The following RORA variants were observed in gnomAD, a reference collection of about 807,000 sequenced individuals.
The protein encoded by RORA is RAR related orphan receptor A.
In RORA, 7 loss-of-function variants were observed where a neutral mutation model predicts 69.5. The ratio of observed to expected loss-of-function variants is 0.10; its 90% CI spans 0.06 to 0.19. The LOEUF (loss-of-function observed/expected upper bound fraction) is 0.19. Among genes scored for constraint, RORA ranks in the 10% least tolerant of loss-of-function variants. The pLI, the probability that RORA is intolerant of heterozygous loss-of-function variation, is 1.00. For missense variants in RORA, 457 were observed against 663.0 expected, an observed-to-expected ratio of 0.69 and a Z score of 3.41; for synonymous variants, 261 against 240.8, an observed-to-expected ratio of 1.08 and a Z score of -0.78.
chr15:60,611,937 C>T (rs2069102472), intron 2 of RORA, among the ~76,000 whole-genome samples: 2 of 152,150 alleles, frequency 1.3e-5, no homozygotes, highest in Admixed American at 6.5e-5. Context: ...CCTGGCATTC[C>T]GTTTTTCAAC....
At chr15:61,027,408 T>C (rs1734981685) in intron 1 of RORA, among the ~76,000 whole-genome samples, 2 of 152,222 alleles carry the variant, frequency 1.3e-5, no homozygotes, top group African/African-American at 4.8e-5. Flanking sequence ...GGTGGCTTAT[T>C]CTGTTTTTAG....
At chr15:60,755,134 C>CT (rs2071780131) in intron 1 of RORA, among the ~76,000 whole-genome samples, 1 of 120,722 alleles carries the variant, frequency 8.3e-6, no homozygotes, top group Non-Finnish European at 1.7e-5. Flanking sequence ...TCCCTCCCCC[C>CT]TCCCCCCACC....
intron 2 of RORA, among the ~76,000 whole-genome samples, chr15:60,572,452 A>C (rs553894526): frequency 9.8e-4 from 150 of 152,334 alleles, no homozygotes; most frequent in African/African-American, 3.4e-3. Context: ...AGGGTTTAAT[A>C]AATGCATGGC....
chr15:60,828,169 C>T (rs1455033521), intron 1 of RORA, among the ~76,000 whole-genome samples: 1 of 152,056 alleles, frequency 6.6e-6, no homozygotes, highest in Non-Finnish European at 1.5e-5. Flanking sequence ...GAGGGAGTGG[C>T]GGTAGCTGTG....
intron 1 of RORA, among the ~76,000 whole-genome samples, chr15:60,946,635 C>T (rs546820324): frequency 6.6e-6 from 1 of 152,348 alleles, no homozygotes; most frequent in East Asian, 1.9e-4. Context: ...CACCTCCCAG[C>T]CGCCTGCCTT....
chr15:60,499,162 A>G (rs1289245033), intron 10 of RORA, among the ~76,000 whole-genome samples: 2 of 152,222 alleles, frequency 1.3e-5, no homozygotes, highest in Non-Finnish European at 2.9e-5. Context: ...AGTGAATTTA[A>G]TGGAAGTAGA....
chr15:60,916,730 T>TCC (rs1566908397), intron 1 of RORA, among the ~76,000 whole-genome samples: 2 of 152,016 alleles, frequency 1.3e-5, no homozygotes, highest in Non-Finnish European at 2.9e-5. Context: ...TTAAAGCCCC[T>TCC]CTTGACCCCC....
intron 1 of RORA, among the ~76,000 whole-genome samples, chr15:61,031,547 GTAGT>G (rs1896169754): frequency 6.6e-6 from 1 of 152,148 alleles, no homozygotes; most frequent in South Asian, 2.1e-4. Context: ...CATGTATGAA[GTAGT>G]TAAAGTTCTT....
chr15:61,216,496 ATT>A (rs3835089), intron 1 of RORA, among the ~76,000 whole-genome samples: 131,334 of 151,912 alleles, frequency 0.86, 57,838 homozygotes, highest in Non-Finnish European at 0.96. Context: ...CTCCGATGTG[ATT>A]TTTTTTTTTG....
chr15:60,848,935 T>C (rs2073295909), intron 1 of RORA: 1 of 152,192 alleles, frequency 6.6e-6, no homozygotes, highest in Non-Finnish European at 1.5e-5. Context: ...TCACAACCAA[T>C]TTTAGACTTG....
intron 1 of RORA, among the ~76,000 whole-genome samples, chr15:61,172,543 G>A (rs137892731): frequency 0.027 from 4,141 of 152,220 alleles, 70 homozygotes; most frequent in Middle Eastern, 0.061. Context: ...TCAAAACAGA[G>A]TTCAAGGGGG....
intron 1 of RORA, among the ~76,000 whole-genome samples, chr15:60,939,098 C>A (rs182517166): frequency 6.6e-6 from 1 of 152,240 alleles, no homozygotes; most frequent in Admixed American, 6.5e-5. Flanking sequence ...CCTCTTCCCT[C>A]GGCATCGCAG....
In RORA at chr15:61,131,051, C is replaced by T. The variant is rs1213947823; in HGVS notation, c.166+98002G>A. ...CTTCAGTACACGTGTACAGTTCAGA[C>T]GATGCACCTACTACTCAGCCCTCTG... On this transcript the variant is annotated intron_variant, in intron 1 of 10. Transcript: ENST00000335670. This position sits in a 1 kb window ranked among gnomAD's most constrained non-coding sequence, Gnocchi z 4.2. Among the ~76,000 whole-genome samples, 6 of 152,120 alleles carry T rather than the reference C, an allele frequency of 3.9e-5. No homozygotes were observed. The highest frequency in any genetic ancestry group is 2.6e-4 in the Admixed American group (4 of 15,270).
intron 1 of RORA, among the ~76,000 whole-genome samples, chr15:60,747,729 T>C (rs2071668387): frequency 1.3e-5 from 2 of 152,128 alleles, no homozygotes; most frequent in African/African-American, 2.4e-5. Flanking sequence ...GAGCAGAATA[T>C]GCAAACAGGC....
chr15:60,643,674 CCCT>C (rs1247431959), intron 2 of RORA, among the ~76,000 whole-genome samples: 1 of 152,164 alleles, frequency 6.6e-6, no homozygotes, highest in African/African-American at 2.4e-5. Flanking sequence ...CTAGCCTGAC[CCCT>C]CTTTTCTCCT....
chr15:60,676,604 C>T (rs148400909), intron 2 of RORA, among the ~76,000 whole-genome samples: 681 of 152,298 alleles, frequency 4.5e-3, no homozygotes, highest in Non-Finnish European at 5.1e-3. Flanking sequence ...TGCTGATTTT[C>T]ACAGTTAGAA....
chr15:61,128,838 G>A lies in RORA; in HGVS notation c.166+100215C>T, dbSNP rs913047400. On this transcript the variant is annotated intron_variant, in intron 1 of 10. Coordinates refer to ENST00000335670, the MANE Select transcript of RORA (RefSeq NM_134261.3). The surrounding 1 kb of genome is among the most constrained non-coding windows in gnomAD (Gnocchi z 4.5). ...TGCTAAGCAAAGTCAATCAGCACAC[G>A]ATGGCCCCAGGAATGAGAGCAACCA... 7.2e-5 allele frequency among the ~76,000 whole-genome samples: 11 copies of A among 152,156 alleles called. No homozygotes were observed. Among genetic ancestry groups the A allele is most frequent in the African/African-American group, 1.9e-4 (8 of 41,418 alleles).
intron 1 of RORA, among the ~76,000 whole-genome samples, chr15:60,813,442 G>C (rs8041070): frequency 3.9e-5 from 6 of 152,144 alleles, no homozygotes; most frequent in African/African-American, 1.4e-4. Flanking sequence ...AAATCTGTGT[G>C]CTTAGCTCTC....
chr15:61,006,184 G>T (rs1894909274), intron 1 of RORA, among the ~76,000 whole-genome samples: 1 of 151,916 alleles, frequency 6.6e-6, no homozygotes, highest in African/African-American at 2.4e-5. Flanking sequence ...GGCCAGGATG[G>T]TCTCAATCTC....
Sources: gnomAD v4.1 joint callset for allele counts (sites outside exome capture counted in the v4.1 genomes callset) on GRCh38, gnomAD v4.1.1 for gene constraint, Gnocchi (gnomAD v3.1) non-coding constraint, MANE v1.5 for transcripts, NCBI Gene and HGNC (gene_info 2026-07-23, HGNC 2026-07-21) for gene names.